The following KCNK2 variants were observed in gnomAD, a reference collection of about 807,000 sequenced individuals.
The protein encoded by KCNK2 is potassium channel subfamily K member 2.
KCNK2 carries 21 observed loss-of-function variants against 40.5 expected under a neutral mutation model. The observed-to-expected ratio is 0.52, with a 90% confidence interval of 0.37 to 0.75. The LOEUF is 0.75. KCNK2 is among the 30% of genes least tolerant of loss of function. The pLI is 0.00. For missense variants in KCNK2, 399 were observed against 531.6 expected (o/e 0.75, Z 2.45); for synonymous variants, 191 against 202.2 (o/e 0.94, Z 0.47).
chr1:215,053,052 T>G (rs1465898701), intron 1 of KCNK2, among the ~76,000 whole-genome samples: 1 of 152,154 alleles, frequency 6.6e-6, no homozygotes, highest in Non-Finnish European at 1.5e-5. Flanking sequence ...ACCTGCAGGT[T>G]TTTTTGGTTT....
chr1:215,133,923 A>G (rs1390400581), intron 3 of KCNK2, among the ~76,000 whole-genome samples: 1 of 152,164 alleles, frequency 6.6e-6, no homozygotes, highest in Non-Finnish European at 1.5e-5. Context: ...TTAATTGCTA[A>G]TCTTAAATTT....
At chr1:215,134,511 A>T (rs138284061) in intron 3 of KCNK2, among the ~76,000 whole-genome samples, 1 of 152,326 alleles carries the variant, frequency 6.6e-6, no homozygotes, top group Non-Finnish European at 1.5e-5. Context: ...TGTGTTCTGC[A>T]ACCCCAAAGC....
intron 3 of KCNK2, among the ~76,000 whole-genome samples, chr1:215,161,928 T>C (rs562511026): frequency 2.2e-3 from 329 of 152,292 alleles, no homozygotes; most frequent in African/African-American, 7.7e-3. Flanking sequence ...TTATAATCCT[T>C]TGGGCATATA....
intron 1 of KCNK2, among the ~76,000 whole-genome samples, chr1:215,075,683 A>G (rs892554665): frequency 2.0e-5 from 3 of 152,212 alleles, no homozygotes; most frequent in African/African-American, 7.2e-5. Context: ...TTTAAGCTTG[A>G]AAGTGGATGT....
At chr1:215,155,708 A>T (rs1374697157) in intron 3 of KCNK2, among the ~76,000 whole-genome samples, 1 of 152,084 alleles carries the variant, frequency 6.6e-6, no homozygotes, top group African/African-American at 2.4e-5. Flanking sequence ...TTTAGTAAAG[A>T]TGGGGTTTCA....
At chr1:215,119,305 A>G (rs891411090) in intron 2 of KCNK2, among the ~76,000 whole-genome samples, 1 of 152,216 alleles carries the variant, frequency 6.6e-6, no homozygotes, top group Non-Finnish European at 1.5e-5. Flanking sequence ...ATAAAGCTCC[A>G]GAATGCCAGA....
chr1:215,020,077 T>C (rs1656737692), intron 1 of KCNK2, among the ~76,000 whole-genome samples: 2 of 152,164 alleles, frequency 1.3e-5, no homozygotes, highest in African/African-American at 4.8e-5. Flanking sequence ...TTTTCCCTTG[T>C]TGAGTGAGTG....
chr1:215,223,865 G>A (rs917075620), intron 6 of KCNK2, among the ~76,000 whole-genome samples: 5 of 152,048 alleles, frequency 3.3e-5, no homozygotes, highest in African/African-American at 1.2e-4. Context: ...AGGTAGTTGG[G>A]CAAAGTATGC....
intron 3 of KCNK2, among the ~76,000 whole-genome samples, chr1:215,146,397 T>C (rs1201283638): frequency 6.6e-6 from 1 of 152,202 alleles, no homozygotes; most frequent in Admixed American, 6.5e-5. Flanking sequence ...AACTGTCATG[T>C]AGGATTTTAT....
chr1:215,036,421 C>T (rs528587267), intron 1 of KCNK2, among the ~76,000 whole-genome samples: 42 of 151,932 alleles, frequency 2.8e-4, no homozygotes, highest in Non-Finnish European at 5.8e-4. Flanking sequence ...ATCAGCATGG[C>T]CCCATCTTAA....
At chr1:215,186,177 G>C (rs528453951) in intron 5 of KCNK2, among the ~76,000 whole-genome samples, 2 of 152,164 alleles carry the variant, frequency 1.3e-5, no homozygotes, top group Non-Finnish European at 2.9e-5. Context: ...GAGAGGCCAA[G>C]GCAGGAAGAT....
chr1:215,050,882 G>A (rs1360363597), intron 1 of KCNK2, among the ~76,000 whole-genome samples: 1 of 152,034 alleles, frequency 6.6e-6, no homozygotes, highest in African/African-American at 2.4e-5. Context: ...ATTAGCTCCC[G>A]GCATCATTAC....
intron 6 of KCNK2, among the ~76,000 whole-genome samples, chr1:215,227,886 G>A (rs1666456276): frequency 6.6e-6 from 1 of 151,988 alleles, no homozygotes; most frequent in African/African-American, 2.4e-5. Context: ...GATTCAGTAA[G>A]AGGAGGAGCA....
At chr1:215,030,787 T>C (rs1657162180) in intron 1 of KCNK2, among the ~76,000 whole-genome samples, 1 of 151,870 alleles carries the variant, frequency 6.6e-6, no homozygotes, top group African/African-American at 2.4e-5. Context: ...GCTCAAGTGA[T>C]CTGTCCACTT....
chr1:215,166,560 C>A (rs889737647), intron 3 of KCNK2, among the ~76,000 whole-genome samples: 1 of 152,054 alleles, frequency 6.6e-6, no homozygotes, highest in Admixed American at 6.6e-5. Flanking sequence ...GCCTGAGAAA[C>A]AGTAAGGCAG....
intron 2 of KCNK2, among the ~76,000 whole-genome samples, chr1:215,091,840 A>G (rs1659705335): frequency 6.6e-6 from 1 of 152,190 alleles, no homozygotes; most frequent in African/African-American, 2.4e-5. Flanking sequence ...CAGAATGCTC[A>G]CCACATACAG....
intron 1 of KCNK2, among the ~76,000 whole-genome samples, chr1:215,062,546 C>G (rs927990448): frequency 2.0e-5 from 3 of 150,938 alleles, no homozygotes; most frequent in African/African-American, 7.3e-5. Context: ...AACAAGAACT[C>G]TACACCTGAT....
At chr1:215,157,064 G>GA (rs1370457805) in intron 3 of KCNK2, among the ~76,000 whole-genome samples, 2 of 152,058 alleles carry the variant, frequency 1.3e-5, no homozygotes, top group African/African-American at 2.4e-5. Context: ...AAAAACCCCA[G>GA]AAATTTATTT....
At chr1:215,105,564 A>G (rs920383189) in intron 2 of KCNK2, among the ~76,000 whole-genome samples, 1 of 151,956 alleles carries the variant, frequency 6.6e-6, no homozygotes, top group East Asian at 1.9e-4. Flanking sequence ...CCTGTTTTCA[A>G]TTCTTTTATT....
Sources: allele counts gnomAD v4.1 joint callset (sites outside exome capture counted in the v4.1 genomes callset), GRCh38; gene constraint gnomAD v4.1.1; transcripts MANE v1.5; gene names NCBI Gene and HGNC (gene_info 2026-07-23, HGNC 2026-07-21).